The following CD22 variants were observed in gnomAD, a reference collection of about 807,000 sequenced individuals.
The protein encoded by CD22 is B-cell receptor CD22.
Under a neutral mutation model 94.7 loss-of-function variants are expected in CD22, and 51 were observed. The observed-to-expected ratio is 0.54, with a 90% CI of 0.43 to 0.68. The LOEUF (loss-of-function observed/expected upper bound fraction) is 0.68, where lower values mean the gene tolerates loss of function less well. Ranked by LOEUF, CD22 falls within the 30% of genes least tolerant of loss-of-function variation. CD22 has a pLI of 0.00. For missense variants in CD22, 931 were observed against 1,060.4 expected (o/e 0.88, Z 1.69); for synonymous variants, 424 against 422.5 (o/e 1.00, Z -0.04).
rs113404776 is a variant in CD22, at chr19:35,346,818, G to GCACA, written c.*137_*140dup. 4.4e-5 allele frequency: 29 copies of GCACA among 666,106 alleles called. No individual in the cohort carries two copies. The highest frequency in any genetic ancestry group is 1.6e-4 in the African/African-American group (8 of 51,122). 41.3% of individuals were successfully genotyped at this position (666,106 alleles called of 1,614,324 possible). On this transcript the variant is annotated 3_prime_UTR_variant, in exon 14 of 14. Transcript: ENST00000085219. ...CATGTGCGCACACACACACACACAC[G>GCACA]CACACACACACACACACACTCACTG... is the stretch of plus-strand genomic sequence containing the variant.
At chr19:35,338,533 G>A (rs2066759198) in intron 6 of CD22, 102 bp downstream of exon 6, 5 of 1,233,726 alleles carry the variant, frequency 4.1e-6, no homozygotes, top group African/African-American at 3.0e-5. Flanking sequence ...GGAGTCAAGA[G>A]CAAGGAGCAG....
At chr19:35,335,889 A>T in intron 3 of CD22, 147 bp from the exon 4 acceptor site, 1 of 672,420 alleles carries the variant, frequency 1.5e-6, no homozygotes, top group Non-Finnish European at 2.6e-6. Flanking sequence ...CAACAATAAC[A>T]ACAAAAAAAC....
At chr19:35,338,102 G>A (rs766503881) in intron 5 of CD22, 66 bp from the exon 6 acceptor site, 13 of 1,573,444 alleles carry the variant, frequency 8.3e-6, no homozygotes, top group South Asian at 7.2e-5. Context: ...GGGGGCTCTC[G>A]GGGCCGTGTG....
At chr19:35,344,118 C>T (rs111874634) in intron 9 of CD22, among the ~76,000 whole-genome samples, 23,562 of 152,258 alleles carry the variant, frequency 0.15, 2,193 homozygotes, top group East Asian at 0.23. Flanking sequence ...ATCGCTTGAA[C>T]CCGGGAGGCA....
intron 4 of CD22, 132 bp downstream of exon 4, chr19:35,336,473 G>A (rs1222059547): frequency 2.0e-5 from 15 of 744,736 alleles, no homozygotes; most frequent in Non-Finnish European, 3.0e-5. Context: ...TGGTCACGCC[G>A]CCTTGTCAGC....
At chr19:35,346,410 C>T (rs1381507584) in intron 13 of CD22, among the ~76,000 whole-genome samples, 156 bp from the exon 14 acceptor site, 2 of 152,198 alleles carry the variant, frequency 1.3e-5, no homozygotes, top group African/African-American at 4.8e-5. Flanking sequence ...CAGGTACCTC[C>T]AGGTCCTGGA....
chr19:35,343,986 C>T (rs1328753211), intron 9 of CD22, among the ~76,000 whole-genome samples: 1 of 152,138 alleles, frequency 6.6e-6, no homozygotes, highest in Non-Finnish European at 1.5e-5. Context: ...TCACTTGAGG[C>T]CAGGAGTTCC....
chr19:35,341,058 G>A lies in CD22; in HGVS notation c.1427G>A (p.Gly476Asp), dbSNP rs201759195. 85 of 1,614,188 alleles carry A rather than the reference G, an allele frequency of 5.3e-5. No homozygotes were observed. The highest frequency in any genetic ancestry group is 7.1e-5 in the Non-Finnish European group (84 of 1,180,038). The change falls in exon 7 of 14, where the codon GGC becomes GAC. Residue 476 changes from glycine to aspartate, a missense_variant. Coordinates refer to ENST00000085219, the MANE Select transcript of CD22 (RefSeq NM_001771.4). This position sits in a 1 kb window ranked among gnomAD's most constrained non-coding sequence, Gnocchi z 4.0. ...SLGVLKIQNV[G>D]WDNTTIACAA... ...GGGGTGCTGAAGATCCAAAACGTTG[G>A]CTGGGACAACACAACCATCGCCTGC...
Position 35,338,439 on chromosome 19 carries a change from G to T in CD22, c.1249+8G>T, listed in dbSNP as rs747383528. 1 of 1,608,692 alleles carries T rather than the reference G, an allele frequency of 6.2e-7. No individual in the cohort carries two copies. Among genetic ancestry groups the T allele is most frequent in the East Asian group, 2.2e-5 (1 of 44,776 alleles). On this transcript the variant is annotated splice_region_variant and intron_variant, in intron 6 of 13. Coordinates refer to ENST00000085219, the MANE Select transcript of CD22 (RefSeq NM_001771.4). ...CTGAGCTGGATGTCCAGTGTGAGTA[G>T]CCACGGAGCCTCTGGTTCTAGGGAG...
intron 6 of CD22, among the ~76,000 whole-genome samples, chr19:35,339,836 G>A (rs2066781261): frequency 6.6e-6 from 1 of 152,062 alleles, no homozygotes; most frequent in African/African-American, 2.4e-5. Context: ...AGCCTGGGTA[G>A]AGTGAGATTC....
chr19:35,343,216 G>A (rs545567099), intron 9 of CD22, among the ~76,000 whole-genome samples: 6 of 151,504 alleles, frequency 4.0e-5, no homozygotes, highest in Non-Finnish European at 7.4e-5. Flanking sequence ...CTCCTGCCTC[G>A]GCCTCCACAG....
At chr19:35,342,781 T>C (rs542370129) in intron 9 of CD22, among the ~76,000 whole-genome samples, 1 of 152,274 alleles carries the variant, frequency 6.6e-6, no homozygotes, top group East Asian at 1.9e-4. Flanking sequence ...CTCTCAGCCC[T>C]GACAGGCTCC....
At chr19:35,331,055 G>A (rs2066638520) in intron 1 of CD22, 1 of 152,084 alleles carries the variant, frequency 6.6e-6, no homozygotes, top group Non-Finnish European at 1.5e-5. Context: ...ATGAGTATCT[G>A]GGATTACAGG....
At chr19:35,344,755 G>A (rs1345485163) in intron 9 of CD22, 74 bp from the exon 10 acceptor site, 1 of 1,096,446 alleles carries the variant, frequency 9.1e-7, no homozygotes, top group Non-Finnish European at 1.3e-6. Flanking sequence ...AGAAGTCCAG[G>A]ATGCCTTCCA....
chr19:35,334,448 A>T (rs2066689288), intron 3 of CD22, among the ~76,000 whole-genome samples: 1 of 152,278 alleles, frequency 6.6e-6, no homozygotes, highest in African/African-American at 2.4e-5. Context: ...ACATAGGTTC[A>T]GTTATAGCAC....
intron 1 of CD22, among the ~76,000 whole-genome samples, chr19:35,331,250 A>G (rs2066641344): frequency 6.6e-6 from 1 of 151,998 alleles, no homozygotes; most frequent in African/African-American, 2.4e-5. Context: ...TGGTTTTAGA[A>G]TTCCTTTTTA....
At chr19:35,334,722 A>G (rs1263035629) in intron 3 of CD22, among the ~76,000 whole-genome samples, 1 of 152,184 alleles carries the variant, frequency 6.6e-6, no homozygotes, top group Non-Finnish European at 1.5e-5. Context: ...GAAGCCATGA[A>G]AGTAACACAA....
intron 3 of CD22, chr19:35,333,147 A>G: frequency 1.9e-6 from 1 of 538,662 alleles, no homozygotes; most frequent in Non-Finnish European, 3.3e-6. Flanking sequence ...CTGGATTCCA[A>G]AGTTATCGGA....
Position 35,346,569 on chromosome 19 carries a change from G to A in CD22, c.2416G>A (p.Asp806Asn), listed in dbSNP as rs769696167. The A allele has an allele frequency of 1.3e-5, 21 of 1,600,362 alleles. No homozygotes were observed. The highest frequency in any genetic ancestry group is 1.2e-4 in the African/African-American group (9 of 74,734). ...YSALHKRQVG[D>N]YENVIPDFPE... ...AACCACCATGCGGTTTTCTCAGGGC[G>A]ACTATGAGAACGTCATTCCAGATTT... Residue 806 changes from aspartate to asparagine, a missense_variant, in exon 14 of 14, where the codon GAC (aspartate) becomes AAC (asparagine). By Grantham distance (23) the Asp-to-Asn change is conservative. Coordinates refer to ENST00000085219, the MANE Select transcript of CD22 (RefSeq NM_001771.4).
Sources: gnomAD v4.1 joint callset for allele counts (sites outside exome capture counted in the v4.1 genomes callset) on GRCh38, gnomAD v4.1.1 for gene constraint, Gnocchi (gnomAD v3.1) non-coding constraint, MANE v1.5 for transcripts, NCBI Gene and HGNC (gene_info 2026-07-23, HGNC 2026-07-21) for gene names.